The following MEGF10 variants were observed in gnomAD, a reference collection of about 807,000 sequenced individuals.
MEGF10 encodes the protein multiple epidermal growth factor-like domains protein 10.
MEGF10 carries 86 observed loss-of-function variants against 147.5 expected under a neutral mutation model. The observed-to-expected ratio is 0.58, with a 90% CI of 0.49 to 0.70. The LOEUF (loss-of-function observed/expected upper bound fraction) is 0.70. Ranked by LOEUF, MEGF10 falls within the 30% of genes least tolerant of loss-of-function variation. The probability of loss-of-function intolerance (pLI) is 0.00; values close to 1 mark genes in which losing one functional copy is unlikely to be tolerated. For missense variants in MEGF10, 1,329 were observed against 1,487.3 expected (o/e 0.89, Z 1.75); for synonymous variants, 478 against 525.5 (o/e 0.91, Z 1.24).
chr5:127,349,124 A>T (rs1761999635), intron 4 of MEGF10, among the ~76,000 whole-genome samples: 1 of 152,180 alleles, frequency 6.6e-6, no homozygotes, highest in Non-Finnish European at 1.5e-5. Context: ...CTTTTATTCT[A>T]CGGACCACAT....
the MEGF10 span, chr5:127,229,918 T>C: frequency 6.6e-6 from 1 of 152,140 alleles, no homozygotes; most frequent in Non-Finnish European, 1.5e-5. Flanking sequence ...TGCTTGACAC[T>C]TGGAGAATTC....
chr5:127,369,066 G>A (rs1762754838), intron 4 of MEGF10, among the ~76,000 whole-genome samples: 1 of 152,108 alleles, frequency 6.6e-6, no homozygotes, highest in Non-Finnish European at 1.5e-5. Flanking sequence ...AAAGTACAGA[G>A]CACCTCATCC....
At chr5:127,300,023 G>A (rs1759699519) in intron 1 of MEGF10, 1 of 152,156 alleles carries the variant, frequency 6.6e-6, no homozygotes, top group Non-Finnish European at 1.5e-5. Context: ...ATTAAAGAAG[G>A]AGAAGCAAGC....
intron 5 of MEGF10, among the ~76,000 whole-genome samples, chr5:127,378,851 T>G (rs188394316): frequency 3.2e-3 from 489 of 151,368 alleles, no homozygotes; most frequent in Middle Eastern, 6.9e-3. Context: ...TTTGTTTTTG[T>G]TTTTGGTTTT....
At chr5:127,256,550 C>G in the MEGF10 span, among the ~76,000 whole-genome samples, 1 of 152,016 alleles carries the variant, frequency 6.6e-6, no homozygotes, top group African/African-American at 2.4e-5. Flanking sequence ...GTCATAAATC[C>G]CCACTTGTTC....
chr5:127,344,462 T>C (rs1761799170), intron 4 of MEGF10, among the ~76,000 whole-genome samples: 1 of 152,190 alleles, frequency 6.6e-6, no homozygotes, highest in South Asian at 2.1e-4. Flanking sequence ...AGGAGGAGGA[T>C]GCAGATATTT....
At chr5:127,410,815 TG>T in intron 9 of MEGF10, among the ~76,000 whole-genome samples, 1 of 152,240 alleles carries the variant, frequency 6.6e-6, no homozygotes, top group Admixed American at 6.5e-5. Context: ...CAATGGTTAC[TG>T]GTGGATAGCA....
chr5:127,420,671 A>T (rs1052563341), intron 12 of MEGF10, among the ~76,000 whole-genome samples: 4 of 152,202 alleles, frequency 2.6e-5, no homozygotes, highest in East Asian at 3.8e-4. Flanking sequence ...GTCTTTTAAC[A>T]TAAGTATCTC....
chr5:127,276,962 A>C, the MEGF10 span, among the ~76,000 whole-genome samples: 1 of 152,180 alleles, frequency 6.6e-6, no homozygotes, highest in Non-Finnish European at 1.5e-5. Context: ...ATCAGGGAGC[A>C]AGCCACACAT....
At chr5:127,442,520 C>T (rs1480363481) in intron 18 of MEGF10, among the ~76,000 whole-genome samples, 1 of 152,142 alleles carries the variant, frequency 6.6e-6, no homozygotes, top group African/African-American at 2.4e-5. Context: ...TTGCATCTTC[C>T]CCTATTCCTG....
At chr5:127,331,917 T>C (rs1198290224) in intron 2 of MEGF10, among the ~76,000 whole-genome samples, 1 of 151,998 alleles carries the variant, frequency 6.6e-6, no homozygotes, top group Admixed American at 6.6e-5. Flanking sequence ...TCCCCTGAGA[T>C]GCTCTTGAAG....
chr5:127,415,061 G>T (rs1240221617), intron 9 of MEGF10, among the ~76,000 whole-genome samples: 4 of 150,268 alleles, frequency 2.7e-5, no homozygotes, highest in Non-Finnish European at 5.9e-5. Context: ...CCATGTGGAC[G>T]CCCCTAAATT....
chr5:127,460,236 G>A lies in MEGF10; in HGVS notation c.*2918G>A, dbSNP rs909221755. 2.0e-5 allele frequency: 3 copies of A among 152,054 alleles called. No individual in the cohort carries two copies. Among genetic ancestry groups the A allele is most frequent in the African/African-American group, 7.2e-5 (3 of 41,416 alleles). The allele number at this position is 152,054 out of a possible 1,614,324, so 9.4% of individuals were successfully genotyped here. On this transcript the variant is annotated 3_prime_UTR_variant, in exon 25 of 25. Transcript: ENST00000503335. ...AGTTGATGTATCAGAAAATTTATAAGTTATTTGTATTTATATATAAGTACA... is the reference window on the plus strand; with the variant it reads ...AGTTGATGTATCAGAAAATTTATAAATTATTTGTATTTATATATAAGTACA...
chr5:127,369,932 C>T lies in MEGF10; in HGVS notation c.342C>T (p.Val114=). 2 of 1,611,506 alleles carry T rather than the reference C, an allele frequency of 1.2e-6. No individual in the cohort carries two copies. Among genetic ancestry groups the T allele is most frequent in the Non-Finnish European group, 8.5e-7 (1 of 1,178,522 alleles). Residue 114 remains valine (V), a synonymous_variant, in exon 5 of 25, where the codon GTC becomes GTT. Transcript: ENST00000503335. The stretch of plus-strand genomic sequence containing the variant: ...CAGCCCACTGTGCTGATAAATGTGT[C>T]CATGGTCGCTGTATTGCTCCAAACA... The part of the protein sequence containing the change: ...MCVPHCADKC[V]HGRCIAPNTC...
the MEGF10 span, among the ~76,000 whole-genome samples, chr5:127,268,842 G>T: frequency 6.6e-6 from 1 of 152,242 alleles, no homozygotes; most frequent in South Asian, 2.1e-4. Flanking sequence ...ACCCCCAAGT[G>T]GGGGCAGACT....
At chr5:127,379,184 A>G (rs981711834) in intron 5 of MEGF10, among the ~76,000 whole-genome samples, 1 of 151,314 alleles carries the variant, frequency 6.6e-6, no homozygotes, top group African/African-American at 2.4e-5. Flanking sequence ...CTGCCACTCC[A>G]GTCCATGCCA....
the MEGF10 span, among the ~76,000 whole-genome samples, chr5:127,283,174 A>G: frequency 6.6e-6 from 1 of 152,226 alleles, no homozygotes; most frequent in Non-Finnish European, 1.5e-5. Flanking sequence ...AGATCATACT[A>G]CAGGAAATGT....
the MEGF10 span, among the ~76,000 whole-genome samples, chr5:127,270,998 T>C: frequency 6.6e-5 from 10 of 152,160 alleles, no homozygotes; most frequent in African/African-American, 2.4e-4. Context: ...TGTCTTTCCT[T>C]TTGTGAATAG....
At chr5:127,342,908 G>T (rs1205718536) in intron 4 of MEGF10, among the ~76,000 whole-genome samples, 2 of 151,956 alleles carry the variant, frequency 1.3e-5, no homozygotes, top group Non-Finnish European at 2.9e-5. Flanking sequence ...GAAGCTGTTG[G>T]TCTCTGGTCT....
Sources: allele counts gnomAD v4.1 joint callset (sites outside exome capture counted in the v4.1 genomes callset), GRCh38; gene constraint gnomAD v4.1.1; transcripts MANE v1.5; gene names NCBI Gene and HGNC (gene_info 2026-07-23, HGNC 2026-07-21).